MACROD2: variants seen among roughly 807,000 people sequenced by gnomAD.
MACROD2 encodes mono-ADP ribosylhydrolase 2, also known as ADP-ribose glycohydrolase MACROD2.
A neutral mutation model predicts 70.4 loss-of-function variants in MACROD2; 36 were observed. The observed-to-expected ratio is 0.51, with a 90% confidence interval of 0.39 to 0.68. The LOEUF (loss-of-function observed/expected upper bound fraction) is 0.68, where lower values mean the gene tolerates loss of function less well. Among genes scored for constraint, MACROD2 ranks in the 30% least tolerant of loss-of-function variants. The probability of loss-of-function intolerance (pLI) is 0.00; values close to 1 mark genes in which losing one functional copy is unlikely to be tolerated. For synonymous variants in MACROD2, 172 were observed against 178.8 expected (o/e 0.96, Z 0.30); for missense variants, 496 against 538.4 (o/e 0.92, Z 0.78).
At chr20:15,423,684 G>A (rs2046259422) in intron 6 of MACROD2, among the ~76,000 whole-genome samples, 1 of 151,924 alleles carries the variant, frequency 6.6e-6, no homozygotes, top group South Asian at 2.1e-4. Context: ...CATTCATGAG[G>A]GAAGGGCTCC....
chr20:15,386,954 C>T (rs988230596), intron 6 of MACROD2, among the ~76,000 whole-genome samples: 1 of 152,036 alleles, frequency 6.6e-6, no homozygotes, highest in Non-Finnish European at 1.5e-5. Context: ...ATCCTTTTTT[C>T]CCCCTTTCCC....
intron 5 of MACROD2, among the ~76,000 whole-genome samples, chr20:15,162,460 A>T: frequency 6.6e-6 from 1 of 152,076 alleles, no homozygotes; most frequent in East Asian, 1.9e-4. Flanking sequence ...GCCAGCAAAG[A>T]GAGATGTCAT....
chr20:15,448,024 C>A (rs898827920), intron 7 of MACROD2, among the ~76,000 whole-genome samples: 1 of 152,140 alleles, frequency 6.6e-6, no homozygotes, highest in African/African-American at 2.4e-5. Context: ...TCTGCCTCCC[C>A]TTTCCTTGGA....
chr20:14,407,248 A>T (rs1442250356), intron 3 of MACROD2, among the ~76,000 whole-genome samples: 1 of 151,664 alleles, frequency 6.6e-6, no homozygotes, highest in Non-Finnish European at 1.5e-5. Flanking sequence ...TCATCTGTTC[A>T]TCTGTGGGTC....
intron 3 of MACROD2, among the ~76,000 whole-genome samples, chr20:14,166,289 G>A (rs2055268339): frequency 6.6e-6 from 1 of 151,900 alleles, no homozygotes; most frequent in Admixed American, 6.6e-5. Flanking sequence ...TAGTTTTTAT[G>A]GTGATTCTTT....
At chr20:14,253,611 G>A (rs2082029281) in intron 3 of MACROD2, among the ~76,000 whole-genome samples, 1 of 151,988 alleles carries the variant, frequency 6.6e-6, no homozygotes, top group African/African-American at 2.4e-5. Flanking sequence ...CTCCAAGCCT[G>A]TTCTTATTCT....
intron 5 of MACROD2, among the ~76,000 whole-genome samples, chr20:15,203,589 T>C (rs2076675748): frequency 6.6e-6 from 1 of 152,104 alleles, no homozygotes; most frequent in Admixed American, 6.5e-5. Context: ...CCAGGAAACT[T>C]TGGATAAATA....
At chr20:14,293,623 G>A (rs1019304512) in intron 3 of MACROD2, among the ~76,000 whole-genome samples, 4 of 151,838 alleles carry the variant, frequency 2.6e-5, no homozygotes, top group Admixed American at 1.3e-4. Context: ...GGACTGCATC[G>A]TGGAAGCCCA....
At chr20:14,319,155 T>C (rs1478278486) in intron 3 of MACROD2, among the ~76,000 whole-genome samples, 1 of 152,218 alleles carries the variant, frequency 6.6e-6, no homozygotes, top group Non-Finnish European at 1.5e-5. Context: ...CTCCATCCTC[T>C]TCATCTCTGG....
At chr20:14,383,644 A>G (rs1261265701) in intron 3 of MACROD2, among the ~76,000 whole-genome samples, 6 of 152,206 alleles carry the variant, frequency 3.9e-5, no homozygotes, top group Non-Finnish European at 7.4e-5. Flanking sequence ...ATAACAGTGC[A>G]TTTAAATACA....
chr20:14,508,789 T>C (rs1317294900), intron 4 of MACROD2, among the ~76,000 whole-genome samples: 1 of 152,204 alleles, frequency 6.6e-6, no homozygotes, highest in Non-Finnish European at 1.5e-5. Flanking sequence ...AATTACACAG[T>C]GAATTGTTCA....
chr20:15,289,452 T>G (rs2077521943), intron 6 of MACROD2, among the ~76,000 whole-genome samples: 1 of 152,084 alleles, frequency 6.6e-6, no homozygotes, highest in African/African-American at 2.4e-5. Flanking sequence ...CTTGTTAGAG[T>G]CAGGGAAACC....
chr20:15,412,189 G>C (rs1018261460), intron 6 of MACROD2, among the ~76,000 whole-genome samples: 2 of 152,202 alleles, frequency 1.3e-5, no homozygotes, highest in African/African-American at 4.8e-5. Flanking sequence ...GTTGCTGCCA[G>C]TTGGAGCCTC....
At chr20:15,471,001 C>T (rs949238230) in intron 7 of MACROD2, among the ~76,000 whole-genome samples, 7 of 152,104 alleles carry the variant, frequency 4.6e-5, no homozygotes, top group Non-Finnish European at 8.8e-5. Flanking sequence ...GTTTTTTCCG[C>T]CTCCTTCATC....
chr20:15,296,991 G>A (rs2077595703), intron 6 of MACROD2, among the ~76,000 whole-genome samples: 1 of 152,124 alleles, frequency 6.6e-6, no homozygotes, highest in South Asian at 2.1e-4. Context: ...TAAATTGTTT[G>A]GCCTTCATTT....
chr20:15,337,555 T>C (rs1189954761), intron 6 of MACROD2, among the ~76,000 whole-genome samples: 2 of 151,788 alleles, frequency 1.3e-5, no homozygotes, highest in African/African-American at 2.4e-5. Context: ...CTTTACATTG[T>C]AGAATGGGTT....
At chr20:14,212,781 A>G in intron 3 of MACROD2, among the ~76,000 whole-genome samples, 1 of 151,330 alleles carries the variant, frequency 6.6e-6, no homozygotes, top group East Asian at 1.9e-4. Context: ...TATGGAGCTC[A>G]GCTCATAGTA....
intron 5 of MACROD2, among the ~76,000 whole-genome samples, chr20:15,043,120 T>C (rs888391826): frequency 2.6e-5 from 4 of 152,198 alleles, no homozygotes; most frequent in African/African-American, 9.6e-5. Context: ...TCCTGCTGCT[T>C]TGGTGGCTTG....
intron 8 of MACROD2, among the ~76,000 whole-genome samples, chr20:15,823,672 C>A (rs2063966079): frequency 6.6e-6 from 1 of 152,172 alleles, no homozygotes; most frequent in African/African-American, 2.4e-5. Flanking sequence ...GGACTTGCAT[C>A]TTCAGTAACA....
Sources: gnomAD v4.1 joint callset for allele counts (sites outside exome capture counted in the v4.1 genomes callset) on GRCh38, gnomAD v4.1.1 for gene constraint, MANE v1.5 for transcripts, NCBI Gene and HGNC (gene_info 2026-07-23, HGNC 2026-07-21) for gene names.